PLPP4: variants seen among roughly 807,000 people sequenced by gnomAD.
The protein encoded by PLPP4 is diacylglycerol pyrophosphate like 2.
PLPP4 carries 20 observed loss-of-function variants against 32.2 expected under a neutral mutation model. The ratio of observed to expected loss-of-function variants is 0.62; its 90% CI spans 0.44 to 0.90. PLPP4 has a LOEUF of 0.90. PLPP4 is among the 40% of genes least tolerant of loss of function. PLPP4 has a pLI of 0.00. For missense variants in PLPP4, 257 were observed against 353.1 expected (o/e 0.73, Z 2.18); for synonymous variants, 127 against 133.0 (o/e 0.95, Z 0.31).
intron 1 of PLPP4, among the ~76,000 whole-genome samples, chr10:120,479,054 A>G (rs372103834): frequency 9.7e-4 from 147 of 152,212 alleles, no homozygotes; most frequent in Middle Eastern, 3.4e-3. Context: ...GTGAAACCCC[A>G]TCTCTACTAA....
chr10:120,561,326 G>T (rs531823874), intron 5 of PLPP4, among the ~76,000 whole-genome samples: 9 of 152,096 alleles, frequency 5.9e-5, no homozygotes, highest in Non-Finnish European at 8.8e-5. Context: ...TGATTTCTGG[G>T]TATAGTAGCA....
intron 5 of PLPP4, among the ~76,000 whole-genome samples, chr10:120,566,165 A>C (rs1480129451): frequency 3.9e-5 from 6 of 152,076 alleles, no homozygotes; most frequent in African/African-American, 7.2e-5. Context: ...TACTATCTAA[A>C]CTTGTTATTA....
intron 6 of PLPP4, among the ~76,000 whole-genome samples, chr10:120,584,190 C>T (rs1849647621): frequency 6.6e-6 from 1 of 152,162 alleles, no homozygotes. Flanking sequence ...ACTTCTCAAC[C>T]TCTCCCGGTT....
chr10:120,508,995 A>C (rs1224839026), intron 2 of PLPP4, among the ~76,000 whole-genome samples: 2 of 152,250 alleles, frequency 1.3e-5, no homozygotes, highest in Non-Finnish European at 2.9e-5. Context: ...ACAGTGGCCT[A>C]CAAGGGGTCA....
rs1849166761 is a variant in PLPP4, at chr10:120,575,295, T to A, written c.610T>A (p.Trp204Arg). Residue 204 changes from tryptophan to arginine, a missense_variant, in exon 6 of 7, where the codon TGG becomes AGG. Trp to Arg is a moderately radical substitution (Grantham distance 101). Coordinates refer to ENST00000398250, the MANE Select transcript of PLPP4 (RefSeq NM_001030059.3). ...LSRMCDYKHH[W>R]QDSFVGGVIG... Reference sequence around the variant, plus strand: ...CCGCATGTGCGACTACAAGCATCACTGGCAAGGTGAGTCCCTGCCCAGGGC... The same window carrying A: ...CCGCATGTGCGACTACAAGCATCACAGGCAAGGTGAGTCCCTGCCCAGGGC... 6.2e-7 allele frequency: 1 copy of A among 1,613,530 alleles called. No homozygotes were observed. The highest frequency in any genetic ancestry group is 1.1e-5 in the South Asian group (1 of 91,058).
chr10:120,570,922 T>C (rs1848904402), intron 5 of PLPP4, among the ~76,000 whole-genome samples: 1 of 152,182 alleles, frequency 6.6e-6, no homozygotes, highest in South Asian at 2.1e-4. Flanking sequence ...TTATCTTTCG[T>C]CTTCTTCCTA....
chr10:120,565,407 C>T (rs1848649820), intron 5 of PLPP4, among the ~76,000 whole-genome samples: 1 of 149,906 alleles, frequency 6.7e-6, no homozygotes, highest in Admixed American at 6.7e-5. Context: ...TCTTTGATTT[C>T]ATTCTTGGAA....
intron 1 of PLPP4, 33 bp downstream of exon 1, chr10:120,457,394 T>G (rs1479160379): frequency 6.6e-7 from 1 of 1,522,044 alleles, no homozygotes; most frequent in Non-Finnish European, 8.8e-7. Context: ...CAGGGCGCAC[T>G]GACGCGGGGG....
At chr10:120,501,746 G>A (rs555557647) in intron 1 of PLPP4, among the ~76,000 whole-genome samples, 1 of 152,270 alleles carries the variant, frequency 6.6e-6, no homozygotes, top group South Asian at 2.1e-4. Flanking sequence ...GGCCCATCAG[G>A]GCCACCTAGG....
intron 5 of PLPP4, among the ~76,000 whole-genome samples, chr10:120,552,480 A>G (rs1374111730): frequency 2.0e-5 from 3 of 152,170 alleles, no homozygotes; most frequent in South Asian, 2.1e-4. Context: ...GACATTATCC[A>G]TTCTCATTCT....
At position 120,521,019 on chromosome 10, in the gene PLPP4, C is replaced by T. The variant is rs1264238733; in HGVS notation, c.369C>T (p.Asn123=). ...GCTGCTTTCCAGATGGAGTGATGAA[C>T]TCGGAAATGCATTGCACAGGTGACC... ...FYRCFPDGVM[N]SEMHCTGDPD... The change falls in exon 5 of 7, where the codon AAC becomes AAT. Residue 123 remains asparagine, a synonymous_variant. Coordinates refer to ENST00000398250, the MANE Select transcript of PLPP4 (RefSeq NM_001030059.3). 4 of 1,613,990 alleles carry T rather than the reference C, an allele frequency of 2.5e-6. No homozygotes were observed. The highest frequency in any genetic ancestry group is 1.3e-5 in the African/African-American group (1 of 74,900).
At chr10:120,458,679 G>C (rs751629586) in intron 1 of PLPP4, among the ~76,000 whole-genome samples, 1 of 152,140 alleles carries the variant, frequency 6.6e-6, no homozygotes, top group Non-Finnish European at 1.5e-5. Context: ...TATTCACTGG[G>C]AAGAAGGAAC....
intron 5 of PLPP4, among the ~76,000 whole-genome samples, chr10:120,564,467 A>G (rs959500354): frequency 6.6e-6 from 1 of 151,898 alleles, no homozygotes; most frequent in African/African-American, 2.4e-5. Flanking sequence ...TTATATGTCT[A>G]TTAGAACAAG....
intron 5 of PLPP4, among the ~76,000 whole-genome samples, chr10:120,549,461 A>C (rs1323989328): frequency 6.6e-6 from 1 of 151,792 alleles, no homozygotes; most frequent in African/African-American, 2.4e-5. Flanking sequence ...CTTACCTAAA[A>C]CTTTCAAAAA....
At chr10:120,488,110 G>A (rs985543473) in intron 1 of PLPP4, among the ~76,000 whole-genome samples, 5 of 152,316 alleles carry the variant, frequency 3.3e-5, no homozygotes, top group Admixed American at 2.6e-4. Context: ...TTCAGGAAGG[G>A]CCTGGATGGA....
chr10:120,484,828 A>C (rs986773103), intron 1 of PLPP4, among the ~76,000 whole-genome samples: 3 of 152,214 alleles, frequency 2.0e-5, no homozygotes, highest in Admixed American at 1.3e-4. Flanking sequence ...AAATGTAATT[A>C]AGGTTCTATT....
intron 1 of PLPP4, among the ~76,000 whole-genome samples, chr10:120,488,869 G>C (rs1844580666): frequency 6.6e-6 from 1 of 152,196 alleles, no homozygotes; most frequent in African/African-American, 2.4e-5. Context: ...CTTGTTAGCT[G>C]AATGACTTTG....
chr10:120,496,019 A>C (rs1160093029), intron 1 of PLPP4, among the ~76,000 whole-genome samples: 1 of 152,216 alleles, frequency 6.6e-6, no homozygotes, highest in Non-Finnish European at 1.5e-5. Context: ...AGCAAACACC[A>C]AAGCAGGGAT....
At chr10:120,576,416 T>A (rs1849227851) in intron 6 of PLPP4, among the ~76,000 whole-genome samples, 1 of 152,176 alleles carries the variant, frequency 6.6e-6, no homozygotes, top group South Asian at 2.1e-4. Flanking sequence ...GTTGCAGTGG[T>A]AATGAGGCAA....
Sources: gnomAD v4.1 joint callset for allele counts (sites outside exome capture counted in the v4.1 genomes callset) on GRCh38, gnomAD v4.1.1 for gene constraint, MANE v1.5 for transcripts, NCBI Gene and HGNC (gene_info 2026-07-23, HGNC 2026-07-21) for gene names.